The following SLAMF6 variants were observed in gnomAD, a reference collection of about 807,000 sequenced individuals.
SLAMF6 encodes NK-T-B-antigen.
A neutral mutation model predicts 38.3 loss-of-function variants in SLAMF6; 21 were observed. That is an observed-to-expected ratio of 0.55 (90% CI 0.39 to 0.79). The LOEUF is 0.79. SLAMF6 is among the 30% of genes least tolerant of loss of function. The probability of loss-of-function intolerance (pLI) is 0.00; values close to 1 mark genes in which losing one functional copy is unlikely to be tolerated. For missense variants in SLAMF6, 341 were observed against 385.3 expected (o/e 0.89, Z 0.96); for synonymous variants, 152 against 146.3 (o/e 1.04, Z -0.28).
intron 1 of SLAMF6, among the ~76,000 whole-genome samples, chr1:160,515,361 A>G (rs549901889): frequency 6.6e-6 from 1 of 152,316 alleles, no homozygotes; most frequent in South Asian, 2.1e-4. Context: ...AAATTGAGAC[A>G]GTAATAAATA....
At chr1:160,503,638 T>G (rs543863446) in intron 1 of SLAMF6, among the ~76,000 whole-genome samples, 6 of 152,102 alleles carry the variant, frequency 3.9e-5, no homozygotes, top group African/African-American at 1.4e-4. Flanking sequence ...TCAGTGACAT[T>G]AGTCAAAATG....
At position 160,491,242 on chromosome 1, in the gene SLAMF6, G is replaced by A; in HGVS notation, c.529C>T (p.Pro177Ser). 2 of 1,614,060 alleles carry A rather than the reference G, an allele frequency of 1.2e-6. No individual in the cohort carries two copies. The highest frequency in any genetic ancestry group is 1.7e-6 in the Non-Finnish European group (2 of 1,179,980). Residue 177 changes from proline (P) to serine (S), a missense_variant, in exon 3 of 8, where the codon CCA becomes TCA. Pro to Ser is a moderately conservative substitution (Grantham distance 74). Transcript: ENST00000368057. ...EALGNTLSSQ[P>S]NLTVSWDPRI... The stretch of plus-strand genomic sequence containing the variant: ...GGGTCCCAGGAGACAGTGAGGTTTG[G>A]CTGACTTGAAAGTGTGTTTCCCAAG...
intron 1 of SLAMF6, among the ~76,000 whole-genome samples, chr1:160,517,816 A>G (rs979075139): frequency 6.6e-6 from 1 of 152,146 alleles, no homozygotes; most frequent in Non-Finnish European, 1.5e-5. Context: ...GAACACATGG[A>G]CACAGGGAGG....
chr1:160,491,645 A>G (rs1653307685), intron 2 of SLAMF6, among the ~76,000 whole-genome samples: 1 of 152,122 alleles, frequency 6.6e-6, no homozygotes, highest in Non-Finnish European at 1.5e-5. Context: ...GTTTCCATCA[A>G]CTAGCTGGGT....
At chr1:160,492,475 T>C (rs1653355278) in intron 2 of SLAMF6, among the ~76,000 whole-genome samples, 1 of 152,188 alleles carries the variant, frequency 6.6e-6, no homozygotes, top group East Asian at 1.9e-4. Flanking sequence ...CAGGTAATAA[T>C]ACCCACTTCT....
At chr1:160,494,424 T>C (rs1327975595) in intron 2 of SLAMF6, among the ~76,000 whole-genome samples, 1 of 152,202 alleles carries the variant, frequency 6.6e-6, no homozygotes, top group African/African-American at 2.4e-5. Context: ...TGTCCTACAC[T>C]GCCTTGATAA....
At chr1:160,506,000 G>A (rs1393049425) in intron 1 of SLAMF6, among the ~76,000 whole-genome samples, 1 of 151,950 alleles carries the variant, frequency 6.6e-6, no homozygotes, top group African/African-American at 2.4e-5. Context: ...AAAATGTACA[G>A]TGCTTAAGAG....
At chr1:160,498,373 C>T (rs1038159222) in intron 1 of SLAMF6, among the ~76,000 whole-genome samples, 1 of 152,054 alleles carries the variant, frequency 6.6e-6, no homozygotes, top group African/African-American at 2.4e-5. Context: ...ATACTCAAGA[C>T]TAGTAATTTA....
chr1:160,510,421 C>A (rs946534079), intron 1 of SLAMF6, among the ~76,000 whole-genome samples: 1 of 151,896 alleles, frequency 6.6e-6, no homozygotes, highest in Non-Finnish European at 1.5e-5. Context: ...CTCAGCAATG[C>A]AAAAGTGGTT....
At chr1:160,522,831 C>G (rs1655046077) in intron 1 of SLAMF6, among the ~76,000 whole-genome samples, 1 of 152,136 alleles carries the variant, frequency 6.6e-6, no homozygotes, top group African/African-American at 2.4e-5. Context: ...GGTCTTGGTA[C>G]TCTTTATAAC....
At chr1:160,500,225 C>T (rs1225912478) in intron 1 of SLAMF6, among the ~76,000 whole-genome samples, 2 of 152,186 alleles carry the variant, frequency 1.3e-5, no homozygotes, top group African/African-American at 4.8e-5. Flanking sequence ...CTTTGTATTT[C>T]AGTTTAAAAA....
In SLAMF6 at chr1:160,491,291, G is replaced by A. The variant is rs770373347; in HGVS notation, c.480C>T (p.Asp160=). The change falls in exon 3 of 8, where the codon GAC becomes GAT. Residue 160 remains aspartate, a synonymous_variant. Coordinates refer to ENST00000368057, the MANE Select transcript of SLAMF6 (RefSeq NM_001184714.2). The part of the protein sequence containing the change: ...HLTCSVEDAD[D]NVSFRWEALG... ...AGGCCTCCCATCTGAATGAGACATT[G>A]TCATCTGCATCCTCCACAGAGCAAG... 27 of 1,614,058 alleles carry A rather than the reference G, an allele frequency of 1.7e-5. No individual in the cohort carries two copies. The highest frequency in any genetic ancestry group is 2.2e-5 in the Non-Finnish European group (26 of 1,179,988).
At chr1:160,489,418 T>G (rs1000669351) in intron 5 of SLAMF6, among the ~76,000 whole-genome samples, 1 of 152,122 alleles carries the variant, frequency 6.6e-6, no homozygotes, top group Non-Finnish European at 1.5e-5. Flanking sequence ...CTTCAGAGTC[T>G]CCCTCAGGCT....
Position 160,491,363 on chromosome 1 carries a change from G to C in SLAMF6, c.408C>G (p.Thr136=). 1 of 1,613,702 alleles carries C rather than the reference G, an allele frequency of 6.2e-7. No individual in the cohort carries two copies. The highest frequency in any genetic ancestry group is 8.5e-7 in the Non-Finnish European group (1 of 1,179,870). The change falls in exon 3 of 8, where the codon ACC becomes ACG. Residue 136 remains threonine, a synonymous_variant. Coordinates refer to ENST00000368057, the MANE Select transcript of SLAMF6 (RefSeq NM_001184714.2). ...ILRQLRNIQV[T]NHSQLFQNMT... ...TATTCTGAAATAGCTGACTGTGATT[G>C]GTAACTTGTATGTTCCTCAGTTGTC...
At position 160,489,105 on chromosome 1, in the gene SLAMF6, C is replaced by G. The variant is rs1263473969; in HGVS notation, c.862G>C (p.Val288Leu). Residue 288 changes from valine (V) to leucine (L), a missense_variant, in exon 6 of 8, where the codon GTC becomes CTC. Val to Leu is a conservative substitution (Grantham distance 32). Coordinates refer to ENST00000368057, the MANE Select transcript of SLAMF6 (RefSeq NM_001184714.2). Reference sequence around the variant, plus strand: ...AGACTCACCCTGTTTGAATGAGTGACTGAAGCATACACAGTGTTGTTCGTT... The same window carrying G: ...AGACTCACCCTGTTTGAATGAGTGAGTGAAGCATACACAGTGTTGTTCGTT... ...SPTNNTVYAS[V>L]THSNRETEIW... The G allele has an allele frequency of 2.5e-6, 4 of 1,613,790 alleles. No individual in the cohort carries two copies. The highest frequency in any genetic ancestry group is 3.4e-6 in the Non-Finnish European group (4 of 1,179,746).
At position 160,486,573 on chromosome 1, in the gene SLAMF6, G is replaced by T; in HGVS notation, c.*134C>A. 1.2e-6 allele frequency: 1 copy of T among 858,146 alleles called. No homozygotes were observed. The highest frequency in any genetic ancestry group is 2.6e-5 in the East Asian group (1 of 38,696). The allele number at this position is 858,146 out of a possible 1,614,324, so 53.2% of individuals were successfully genotyped here. A position where few individuals can be genotyped will look rare whatever the true frequency, so the allele number is the denominator to read the frequency against. On this transcript the variant is annotated 3_prime_UTR_variant, in exon 8 of 8. Transcript: ENST00000368057. Reference sequence around the variant, plus strand: ...AGGCAGGTTTAAGTCCGAAGGACTGGAGGTGATCATCCTATCCTAGATATT... The same window carrying T: ...AGGCAGGTTTAAGTCCGAAGGACTGTAGGTGATCATCCTATCCTAGATATT...
At chr1:160,507,313 T>C (rs1477752539) in intron 1 of SLAMF6, among the ~76,000 whole-genome samples, 4 of 152,070 alleles carry the variant, frequency 2.6e-5, no homozygotes, top group East Asian at 1.9e-4. Context: ...TATACATTAA[T>C]AAAAGGGTCA....
intron 6 of SLAMF6, among the ~76,000 whole-genome samples, 198 bp downstream of exon 6, chr1:160,488,890 G>T (rs1331778740): frequency 6.6e-6 from 1 of 152,174 alleles, no homozygotes; most frequent in Non-Finnish European, 1.5e-5. Context: ...GTAAGGCAGG[G>T]TATGAATAAA....
chr1:160,504,507 C>A (rs1017958941), intron 1 of SLAMF6, among the ~76,000 whole-genome samples: 6 of 152,132 alleles, frequency 3.9e-5, no homozygotes, highest in African/African-American at 1.4e-4. Flanking sequence ...CAGTAGGAGA[C>A]CATGGTCACT....
Sources: gnomAD v4.1 joint callset for allele counts (sites outside exome capture counted in the v4.1 genomes callset) on GRCh38, gnomAD v4.1.1 for gene constraint, MANE v1.5 for transcripts, NCBI Gene and HGNC (gene_info 2026-07-23, HGNC 2026-07-21) for gene names.